The following KLKB1 variants were observed in gnomAD, a reference collection of about 807,000 sequenced individuals.
The protein encoded by KLKB1 is plasma kallikrein.
A neutral mutation model predicts 73.6 loss-of-function variants in KLKB1; 58 were observed. That is an observed-to-expected ratio of 0.79 (90% confidence interval 0.64 to 0.98). The LOEUF (loss-of-function observed/expected upper bound fraction) is 0.98, where lower values mean the gene tolerates loss of function less well. Ranked by LOEUF, KLKB1 falls within the 50% of genes least tolerant of loss-of-function variation. KLKB1 has a pLI of 0.00. For missense variants in KLKB1, 737 were observed against 763.8 expected, an observed-to-expected ratio of 0.96 and a Z score of 0.41; for synonymous variants, 280 against 258.1, an observed-to-expected ratio of 1.08 and a Z score of -0.81.
chr4:186,218,102 T>A (rs1026901131), intron 2 of KLKB1, among the ~76,000 whole-genome samples: 1 of 152,216 alleles, frequency 6.6e-6, no homozygotes, highest in African/African-American at 2.4e-5. Flanking sequence ...AAAACTTTAT[T>A]TACAAAAACA....
chr4:186,223,774 C>A (rs1484453812), upstream of KLKB1, among the ~76,000 whole-genome samples: 1 of 152,146 alleles, frequency 6.6e-6, no homozygotes, highest in Non-Finnish European at 1.5e-5. Flanking sequence ...AAAAGAAAAA[C>A]CAATTTTCTG....
chr4:186,215,105 A>C (rs955827897), intron 2 of KLKB1, among the ~76,000 whole-genome samples: 1 of 152,220 alleles, frequency 6.6e-6, no homozygotes, highest in East Asian at 1.9e-4. Flanking sequence ...TCCTTCAGTA[A>C]GGGTCATACA....
intron 6 of KLKB1, among the ~76,000 whole-genome samples, chr4:186,245,025 G>T (rs1452423070): frequency 6.6e-6 from 1 of 152,120 alleles, no homozygotes. Context: ...TGGCATTGAG[G>T]TGTGGCTGTG....
chr4:186,257,744 A>AGTGTGT (rs67371055), intron 14 of KLKB1, among the ~76,000 whole-genome samples: 3,079 of 147,150 alleles, frequency 0.021, 49 homozygotes, highest in East Asian at 0.049. Flanking sequence ...AGAAAGAGTG[A>AGTGTGT]GTGTGTGTGT....
chr4:186,212,567 T>C (rs1352873213), intron 2 of KLKB1: 1 of 152,250 alleles, frequency 6.6e-6, no homozygotes, highest in Non-Finnish European at 1.5e-5. Context: ...TCATATGTTA[T>C]TGGAAGAGAT....
At chr4:186,248,689 C>G (rs769562485) in intron 6 of KLKB1, among the ~76,000 whole-genome samples, 1 of 138,788 alleles carries the variant, frequency 7.2e-6, no homozygotes, top group Non-Finnish European at 1.5e-5. Flanking sequence ...TATGTATATA[C>G]TTAGGATTAA....
chr4:186,219,991 T>G (rs966836543), intron 2 of KLKB1, among the ~76,000 whole-genome samples: 9 of 152,094 alleles, frequency 5.9e-5, no homozygotes, highest in African/African-American at 2.2e-4. Flanking sequence ...GACTTAGAGG[T>G]AAAAGGATCT....
At chr4:186,218,381 A>C (rs1736956197) in intron 2 of KLKB1, among the ~76,000 whole-genome samples, 1 of 152,230 alleles carries the variant, frequency 6.6e-6, no homozygotes, top group Admixed American at 6.5e-5. Context: ...ATGAGGTTTC[A>C]ACTACATGCC....
intron 13 of KLKB1, among the ~76,000 whole-genome samples, chr4:186,256,756 A>AT (rs1739011140): frequency 6.6e-6 from 1 of 152,202 alleles, no homozygotes; most frequent in African/African-American, 2.4e-5. Flanking sequence ...GTAAATTATA[A>AT]TTTTGAATAT....
chr4:186,250,203 G>T (rs778316066), intron 6 of KLKB1, 40 bp from the exon 7 acceptor site: 5 of 1,597,550 alleles, frequency 3.1e-6, no homozygotes, highest in African/African-American at 1.3e-5. Flanking sequence ...TTAGCCTCAT[G>T]TCATTTCCTA....
rs1416040591 is a variant in KLKB1 at position 186,238,265 on chromosome 4, C to T, written c.498C>T (p.Cys166=). The change falls in exon 6 of 15, where the codon TGC becomes TGT. Residue 166 remains cysteine, a synonymous_variant. Transcript: ENST00000264690. ...TTTTCTTCCCATTCAGGAACAATTG[C>T]CTATTAAAGTACAGTCCCGGAGGAA... The part of the protein sequence containing the change: ...TFHKAEYRNN[C]LLKYSPGGTP... The T allele has an allele frequency of 5.0e-6, 8 of 1,609,582 alleles. No individual in the cohort carries two copies. The highest frequency in any genetic ancestry group is 6.8e-6 in the Non-Finnish European group (8 of 1,175,884).
At chr4:186,241,176 C>T (rs189552555) in intron 6 of KLKB1, among the ~76,000 whole-genome samples, 2 of 152,246 alleles carry the variant, frequency 1.3e-5, no homozygotes, top group East Asian at 1.9e-4. Flanking sequence ...GCCTCCTAAA[C>T]CTAGAGTAGG....
At chr4:186,253,270 A>G (rs1738807188) in intron 11 of KLKB1, among the ~76,000 whole-genome samples, 2 of 150,488 alleles carry the variant, frequency 1.3e-5, no homozygotes, top group Non-Finnish European at 3.0e-5. Flanking sequence ...TTTCTCAAAA[A>G]TAAACACACC....
Position 186,250,283 on chromosome 4 carries a change from T to C in KLKB1, c.639T>C (p.Asp213=), listed in dbSNP as rs193077305. 1.2e-6 allele frequency: 2 copies of C among 1,614,186 alleles called. No individual in the cohort carries two copies. The highest frequency in any genetic ancestry group is 1.3e-5 in the African/African-American group (1 of 75,058). Residue 213 remains aspartate, a synonymous_variant, in exon 7 of 15, where the codon GAT becomes GAC. Transcript: ENST00000264690. ...TCTTCCAGCATCTTGCGTTCTCAGATGTGGATGTTGCCAGGGTTCTCACTC... is the reference window on the plus strand; with the variant it reads ...TCTTCCAGCATCTTGCGTTCTCAGACGTGGATGTTGCCAGGGTTCTCACTC... ...MNIFQHLAFS[D]VDVARVLTPD... is the part of the protein sequence containing the mutation.
Position 186,219,945 on chromosome 4 carries a change from C to T in KLKB1, c.201+10673C>T, listed in dbSNP as rs192604503. Among the ~76,000 whole-genome samples the T allele has an allele frequency of 3.0e-3, 460 of 152,196 alleles. 3 individuals are homozygous for T. Among genetic ancestry groups the T allele is most frequent in the African/African-American group, 0.01 (433 of 41,546 alleles). ...TCATCTTGATAGTCCAGGTCAATCA[C>T]CACAGCCAACACTGCAACTCCCTTC... is the stretch of plus-strand genomic sequence containing the variant. On this transcript the variant is annotated intron_variant, in intron 2 of 14. Transcript: ENST00000511608.
chr4:186,242,361 A>G (rs192416884), intron 6 of KLKB1, among the ~76,000 whole-genome samples: 2 of 152,288 alleles, frequency 1.3e-5, no homozygotes, highest in African/African-American at 4.8e-5. Context: ...AGAAAACGAA[A>G]TAGTGGTAAA....
At chr4:186,236,070 C>T (rs1222682900) in intron 4 of KLKB1, among the ~76,000 whole-genome samples, 7 of 144,278 alleles carry the variant, frequency 4.9e-5, no homozygotes, top group East Asian at 4.0e-4. Context: ...GTCGAGATCG[C>T]GCCACTGCGC....
chr4:186,256,131 AT>A lies in KLKB1; in HGVS notation c.1585+45del, dbSNP rs370833414. 1.4e-4 allele frequency: 164 copies of A among 1,208,292 alleles called. No homozygotes were observed. In the East Asian group the frequency reaches 3.1e-3, roughly 23 times the overall value. 74.8% of individuals were successfully genotyped at this position (1,208,292 alleles called of 1,614,324 possible). On this transcript the variant is annotated intron_variant, in intron 13 of 14. Transcript: ENST00000264690. ...ATATTGCTTCTAGAGTAAGTCTCAC[AT>A]GTTGAAATACATGGAGTGGGTCGTT...
intron 6 of KLKB1, among the ~76,000 whole-genome samples, chr4:186,245,192 G>A (rs558644298): frequency 7.2e-5 from 11 of 152,106 alleles, no homozygotes; most frequent in Non-Finnish European, 1.2e-4. Flanking sequence ...GAAGCCTGGC[G>A]GTCAATACCT....
Sources: gnomAD v4.1 joint callset for allele counts (sites outside exome capture counted in the v4.1 genomes callset) on GRCh38, gnomAD v4.1.1 for gene constraint, MANE v1.5 for transcripts, NCBI Gene and HGNC (gene_info 2026-07-23, HGNC 2026-07-21) for gene names.